HS3ST3B1: variants seen among roughly 807,000 people sequenced by gnomAD.
The protein encoded by HS3ST3B1 is heparan sulfate-glucosamine 3-sulfotransferase 3B1.
In HS3ST3B1, 13 loss-of-function variants were observed where a neutral mutation model predicts 21.3. That is an observed-to-expected ratio of 0.61 (90% CI 0.40 to 0.97). HS3ST3B1 has a LOEUF of 0.97. Among genes scored for constraint, HS3ST3B1 ranks in the 50% least tolerant of loss-of-function variants. The pLI is 0.00. For synonymous variants in HS3ST3B1, 234 were observed against 254.8 expected (o/e 0.92, Z 0.78); for missense variants, 459 against 554.8 (o/e 0.83, Z 1.73).
intron 1 of HS3ST3B1, among the ~76,000 whole-genome samples, chr17:14,310,333 C>T (rs1909267372): frequency 6.6e-6 from 1 of 152,166 alleles, no homozygotes; most frequent in African/African-American, 2.4e-5. Context: ...GCCGCCCCTA[C>T]CCAGAGCAGG....
intron 1 of HS3ST3B1, chr17:14,329,008 T>C (rs1351860243): frequency 6.6e-6 from 1 of 152,142 alleles, no homozygotes; most frequent in Non-Finnish European, 1.5e-5. Flanking sequence ...TTAGTTACCT[T>C]ATACTGTTTT....
intron 1 of HS3ST3B1, among the ~76,000 whole-genome samples, chr17:14,321,704 G>GA (rs5819470): frequency 5.9e-5 from 9 of 151,596 alleles, no homozygotes; most frequent in African/African-American, 1.7e-4. Flanking sequence ...GATGGCGGTT[G>GA]AAAAAAAAAT....
chr17:14,322,776 G>A (rs190011635), intron 1 of HS3ST3B1, among the ~76,000 whole-genome samples: 343 of 152,076 alleles, frequency 2.3e-3, no homozygotes, highest in Non-Finnish European at 3.7e-3. Context: ...TTGACCAGCA[G>A]AACAACCAAC....
In HS3ST3B1 at chr17:14,303,899, A is replaced by G. The variant is rs1199593896; in HGVS notation, c.554+1827A>G. The G allele has an allele frequency of 6.6e-6, 1 of 152,280 alleles. No individual in the cohort carries two copies. Among genetic ancestry groups the G allele is most frequent in the Non-Finnish European group, 1.5e-5 (1 of 68,152 alleles). The allele number at this position is 152,280 out of a possible 1,614,324, so 9.4% of individuals were successfully genotyped here. A position where few individuals can be genotyped will look rare whatever the true frequency, so the allele number is the denominator to read the frequency against. On this transcript the variant is annotated intron_variant, in intron 1 of 1. Transcript: ENST00000360954. This position sits in a 1 kb window ranked among gnomAD's most constrained non-coding sequence, Gnocchi z 5.7. The stretch of plus-strand genomic sequence containing the variant: ...GCCGGGTTGGGAGGAACTGGCAGGA[A>G]AAGGACTGAACCCTTAATGTCAGGC...
intron 1 of HS3ST3B1, among the ~76,000 whole-genome samples, chr17:14,305,670 C>A (rs1047208559): frequency 6.6e-6 from 1 of 152,104 alleles, no homozygotes; most frequent in African/African-American, 2.4e-5. Context: ...CACCTCGGTC[C>A]CCCTTTCCAT....
chr17:14,321,301 T>A (rs1909651268), intron 1 of HS3ST3B1, among the ~76,000 whole-genome samples: 1 of 152,232 alleles, frequency 6.6e-6, no homozygotes, highest in South Asian at 2.1e-4. Context: ...TTGGATTGAT[T>A]CTGGCTCCTC....
Position 14,301,788 on chromosome 17 carries a change from C to A in HS3ST3B1, c.270C>A (p.Phe90Leu), listed in dbSNP as rs772658043. 1 of 1,556,270 alleles carries A rather than the reference C, an allele frequency of 6.4e-7. No individual in the cohort carries two copies. The highest frequency in any genetic ancestry group is 8.7e-7 in the Non-Finnish European group (1 of 1,150,880). Residue 90 changes from phenylalanine to leucine, a missense_variant, in exon 1 of 2, where the codon TTC (phenylalanine) becomes TTA (leucine). Phe to Leu is a conservative substitution (Grantham distance 22, BLOSUM62 0). This residue lies in a region of HS3ST3B1 where 317 missense variants were observed against 278.6 expected (regional missense o/e 1.14). Transcript: ENST00000360954. ...ACGGGACGCCCCCCAGGCTGCCGTT[C>A]CGGGCGCCGCCAGCCACCCCACTGG... ...APDGTPPRLP[F>L]RAPPATPLAS...
intron 1 of HS3ST3B1, among the ~76,000 whole-genome samples, chr17:14,335,699 A>G (rs1295660099): frequency 6.6e-6 from 1 of 152,170 alleles, no homozygotes; most frequent in Non-Finnish European, 1.5e-5. Flanking sequence ...GTCTCAAAAA[A>G]AAAAAAGGAA....
At chr17:14,337,832 T>G (rs948688778) in intron 1 of HS3ST3B1, among the ~76,000 whole-genome samples, 1 of 151,360 alleles carries the variant, frequency 6.6e-6, no homozygotes, top group Non-Finnish European at 1.5e-5. Context: ...TCTCATTTTT[T>G]CCCCCCACGA....
At position 14,345,068 on chromosome 17, in the gene HS3ST3B1, G is replaced by T; in HGVS notation, c.595G>T (p.Glu199Ter). The change falls in exon 2 of 2, where the codon GAG becomes TAG. Residue 199 changes from glutamate to a stop codon, truncating the protein, a stop_gained. Transcript: ENST00000360954. LOFTEE classifies it high-confidence loss of function. ...PRTLDGQITM[E>*]KTPSYFVTRE... Reference sequence around the variant, plus strand: ...AACCCTGGACGGGCAGATCACCATGGAGAAGACGCCCAGTTACTTCGTCAC... The same window carrying T: ...AACCCTGGACGGGCAGATCACCATGTAGAAGACGCCCAGTTACTTCGTCAC... The T allele has an allele frequency of 6.3e-7, 1 of 1,578,634 alleles. No homozygotes were observed. Among genetic ancestry groups the T allele is most frequent in the East Asian group, 2.2e-5 (1 of 44,652 alleles).
At chr17:14,334,950 G>A (rs570012938) in intron 1 of HS3ST3B1, among the ~76,000 whole-genome samples, 2 of 151,908 alleles carry the variant, frequency 1.3e-5, no homozygotes, top group South Asian at 4.2e-4. Context: ...CTGGGAACAT[G>A]TTTTGCTTTG....
intron 1 of HS3ST3B1, among the ~76,000 whole-genome samples, chr17:14,343,519 C>A (rs1910455065): frequency 6.6e-6 from 1 of 152,158 alleles, no homozygotes; most frequent in South Asian, 2.1e-4. Context: ...CCTCTGGTAA[C>A]CACCTTTTTA....
At chr17:14,328,159 C>T (rs896711514) in intron 1 of HS3ST3B1, 5 of 152,184 alleles carry the variant, frequency 3.3e-5, no homozygotes, top group Admixed American at 2.6e-4. Flanking sequence ...CATCATCTAT[C>T]AAAAAGTTCT....
intron 1 of HS3ST3B1, among the ~76,000 whole-genome samples, chr17:14,313,925 G>T (rs1229495275): frequency 6.6e-6 from 1 of 152,070 alleles, no homozygotes; most frequent in Admixed American, 6.6e-5. Flanking sequence ...TTATTTGAAA[G>T]AAATCTCAGA....
intron 1 of HS3ST3B1, among the ~76,000 whole-genome samples, chr17:14,313,145 TTTTTAGTAG>T: frequency 6.6e-6 from 1 of 150,644 alleles, no homozygotes; most frequent in East Asian, 2.0e-4. Context: ...TATATATATA[TTTTTAGTAG>T]AGACAGGGTT....
At position 14,301,300 on chromosome 17, in the gene HS3ST3B1, C is replaced by A; in HGVS notation, c.-219C>A. ...CCGTCCCGACTTTCCGTTCCAGTTGCAGCTCCTGCCGGGCAACATGTCAAG... is the reference window on the plus strand; with the variant it reads ...CCGTCCCGACTTTCCGTTCCAGTTGAAGCTCCTGCCGGGCAACATGTCAAG... On this transcript the variant is annotated 5_prime_UTR_variant, in exon 1 of 2. Coordinates refer to ENST00000360954, the MANE Select transcript of HS3ST3B1 (RefSeq NM_006041.3). 2.0e-6 allele frequency: 1 copy of A among 495,746 alleles called. No homozygotes were observed. Among genetic ancestry groups the A allele is most frequent in the Non-Finnish European group, 3.5e-6 (1 of 286,058 alleles). 30.7% of individuals were successfully genotyped at this position (495,746 alleles called of 1,614,324 possible). A position where few individuals can be genotyped will look rare whatever the true frequency, so the allele number is the denominator to read the frequency against.
chr17:14,338,292 A>AT (rs1305752486), intron 1 of HS3ST3B1, among the ~76,000 whole-genome samples: 4 of 150,616 alleles, frequency 2.7e-5, no homozygotes, highest in Non-Finnish European at 4.4e-5. Flanking sequence ...CGCCCGGCTA[A>AT]TTTTTTGTAT....
intron 1 of HS3ST3B1, among the ~76,000 whole-genome samples, chr17:14,342,682 T>A (rs1910425283): frequency 6.6e-6 from 1 of 152,144 alleles, no homozygotes; most frequent in African/African-American, 2.4e-5. Flanking sequence ...GCTCCATTTT[T>A]GTGGATGAGA....
chr17:14,341,936 A>G (rs1041338569), intron 1 of HS3ST3B1, among the ~76,000 whole-genome samples: 2 of 152,194 alleles, frequency 1.3e-5, no homozygotes, highest in Non-Finnish European at 2.9e-5. Flanking sequence ...ACACTGCTAC[A>G]TTAATTTAAG....
Sources: gnomAD v4.1 joint callset for allele counts (sites outside exome capture counted in the v4.1 genomes callset) on GRCh38, gnomAD v4.1.1 for gene constraint, gnomAD v4.1.1 regional missense constraint, Gnocchi (gnomAD v3.1) non-coding constraint, MANE v1.5 for transcripts, NCBI Gene and HGNC (gene_info 2026-07-23, HGNC 2026-07-21) for gene names.